Variants in UTS2 observed in about 807,000 individuals in gnomAD.
UTS2 encodes the protein urotensin-2.
UTS2 carries 10 observed loss-of-function variants against 12.6 expected under a neutral mutation model. That is an observed-to-expected ratio of 0.80 (90% CI 0.49 to 1.35). The LOEUF is 1.35. Ranked by LOEUF, UTS2 falls within the 40% of genes most tolerant of loss-of-function variation. The probability of loss-of-function intolerance (pLI) is 0.00; values close to 1 mark genes in which losing one functional copy is unlikely to be tolerated. For synonymous variants in UTS2, 52 were observed against 50.0 expected, an observed-to-expected ratio of 1.04 and a Z score of -0.17; for missense variants, 142 against 143.2, an observed-to-expected ratio of 0.99 and a Z score of 0.04.
chr1:7,863,036 T>C, the UTS2 span, among the ~76,000 whole-genome samples: 1 of 33,028 alleles, frequency 3.0e-5, no homozygotes, highest in South Asian at 1.1e-3. Flanking sequence ...TTGTATTGTA[T>C]TGTATTGTAT....
the UTS2 span, among the ~76,000 whole-genome samples, chr1:7,896,283 C>T: frequency 6.6e-6 from 1 of 151,724 alleles, no homozygotes; most frequent in Non-Finnish European, 1.5e-5. Flanking sequence ...GTGTCCCTAC[C>T]TCACACCAAA....
the UTS2 span, among the ~76,000 whole-genome samples, chr1:7,887,021 A>G: frequency 8.0e-6 from 1 of 124,926 alleles, no homozygotes; most frequent in East Asian, 2.8e-4. Flanking sequence ...AGCCTGGGCG[A>G]CAGGGCAAGA....
chr1:7,888,791 G>A, the UTS2 span, among the ~76,000 whole-genome samples: 1 of 152,168 alleles, frequency 6.6e-6, no homozygotes, highest in African/African-American at 2.4e-5. Context: ...GCTGTGGGAT[G>A]GTTGGAGGAA....
the UTS2 span, among the ~76,000 whole-genome samples, chr1:7,863,045 A>T: frequency 2.7e-5 from 1 of 36,552 alleles, no homozygotes. Flanking sequence ...ATTGTATTGT[A>T]TTGTATTGTA....
chr1:7,854,206 T>A (rs768575702), upstream of UTS2, among the ~76,000 whole-genome samples: 5 of 151,682 alleles, frequency 3.3e-5, no homozygotes, highest in Non-Finnish European at 5.9e-5. Context: ...TAGCCAGGCA[T>A]GGTGGCACGT....
chr1:7,879,266 A>T, the UTS2 span, among the ~76,000 whole-genome samples: 1 of 152,190 alleles, frequency 6.6e-6, no homozygotes, highest in Non-Finnish European at 1.5e-5. Context: ...AGGCCACAAA[A>T]CATATCTCGA....
the UTS2 span, among the ~76,000 whole-genome samples, chr1:7,864,658 A>C: frequency 6.6e-6 from 1 of 152,194 alleles, no homozygotes; most frequent in Admixed American, 6.5e-5. Flanking sequence ...CCTAAAAATC[A>C]TGTACTGTCC....
the UTS2 span, among the ~76,000 whole-genome samples, chr1:7,900,423 A>C: frequency 3.0e-4 from 46 of 152,198 alleles, no homozygotes; most frequent in Non-Finnish European, 5.6e-4. Flanking sequence ...GAAAGAAGGA[A>C]GGAAGGAAGG....
the UTS2 span, among the ~76,000 whole-genome samples, chr1:7,880,089 A>C: frequency 2.0e-5 from 3 of 151,800 alleles, no homozygotes; most frequent in Non-Finnish European, 4.4e-5. Context: ...AGACTCCATC[A>C]GTATAAAAAA....
the UTS2 span, among the ~76,000 whole-genome samples, chr1:7,907,194 T>TCTCA: frequency 6.6e-6 from 1 of 152,186 alleles, no homozygotes; most frequent in East Asian, 1.9e-4. Flanking sequence ...AGGTGGAGAC[T>TCTCA]GCAATGAGCT....
At chr1:7,885,908 T>TGGGGGGGGGGGGGGGGG in the UTS2 span, among the ~76,000 whole-genome samples, 1 of 13,992 alleles carries the variant, frequency 7.1e-5, no homozygotes, top group Admixed American at 9.0e-4. Context: ...GGGGGTGGGG[T>TGGGGGGGGGGGGGGGGG]GGGGGGGGGC....
the UTS2 span, among the ~76,000 whole-genome samples, chr1:7,890,201 G>A: frequency 6.6e-6 from 1 of 151,406 alleles, no homozygotes; most frequent in Middle Eastern, 3.4e-3. Context: ...AGAGTGGAAT[G>A]AAAATAATAA....
chr1:7,853,219 T>A, upstream of UTS2: 1 of 1,576,136 alleles, frequency 6.3e-7, no homozygotes. Flanking sequence ...TCATAGACAA[T>A]AAATTAACTG....
chr1:7,880,935 A>G, the UTS2 span, among the ~76,000 whole-genome samples: 1 of 152,224 alleles, frequency 6.6e-6, no homozygotes, highest in African/African-American at 2.4e-5. Flanking sequence ...CAGCACATCA[A>G]AAAGATAATA....
chr1:7,866,818 G>A, the UTS2 span, among the ~76,000 whole-genome samples: 6 of 152,124 alleles, frequency 3.9e-5, no homozygotes, highest in Non-Finnish European at 7.4e-5. This position sits in a 1 kb window ranked among gnomAD's most constrained non-coding sequence, Gnocchi z 4.5. Context: ...CCATGGTACC[G>A]GGCCTGGAAA....
In UTS2 at chr1:7,847,664, TTGC is replaced by T; in HGVS notation, c.*99_*101del. Reference sequence around the variant, plus strand: ...CAGGTAACAATGAACAGGGTGTAGTTTGCCTAGTTTTTCTCCACACTGTTTTCA... The same window carrying T: ...CAGGTAACAATGAACAGGGTGTAGTTCTAGTTTTTCTCCACACTGTTTTCA... On this transcript the variant is annotated 3_prime_UTR_variant, in exon 4 of 4. Transcript: ENST00000361696. The T allele has an allele frequency of 3.4e-6, 3 of 884,790 alleles. No homozygotes were observed. Among genetic ancestry groups the T allele is most frequent in the South Asian group, 3.2e-5 (2 of 63,298 alleles). The allele number at this position is 884,790 out of a possible 1,614,324, so 54.8% of individuals were successfully genotyped here. A position where few individuals can be genotyped will look rare whatever the true frequency, so the allele number is the denominator to read the frequency against.
the UTS2 span, among the ~76,000 whole-genome samples, chr1:7,875,405 A>G: frequency 6.6e-6 from 1 of 152,108 alleles, no homozygotes; most frequent in African/African-American, 2.4e-5. Context: ...GCAGTGTGAA[A>G]ATGGACTAAT....
the UTS2 span, among the ~76,000 whole-genome samples, chr1:7,886,283 G>A: frequency 4.6e-5 from 7 of 152,212 alleles, no homozygotes; most frequent in African/African-American, 1.7e-4. Context: ...TTTATTCCAA[G>A]TGACATAAAT....
At chr1:7,862,212 A>T in the UTS2 span, among the ~76,000 whole-genome samples, 1 of 150,756 alleles carries the variant, frequency 6.6e-6, no homozygotes, top group East Asian at 2.0e-4. Flanking sequence ...GGTGTGAGCC[A>T]CCGCGCCCTG....
Sources: gnomAD v4.1 joint callset for allele counts (sites outside exome capture counted in the v4.1 genomes callset) on GRCh38, gnomAD v4.1.1 for gene constraint, Gnocchi (gnomAD v3.1) non-coding constraint, MANE v1.5 for transcripts, NCBI Gene and HGNC (gene_info 2026-07-23, HGNC 2026-07-21) for gene names.